Variants in NCAM2 observed in about 807,000 individuals in gnomAD.
The protein encoded by NCAM2 is N-CAM-2.
A neutral mutation model predicts 98.1 loss-of-function variants in NCAM2; 30 were observed. The observed-to-expected ratio is 0.31, with a 90% CI of 0.23 to 0.41. NCAM2 has a LOEUF of 0.41. Among genes scored for constraint, NCAM2 ranks in the 10% least tolerant of loss-of-function variants. NCAM2 has a pLI of 1.00. For synonymous variants in NCAM2, 368 were observed against 342.4 expected (o/e 1.07, Z -0.83); for missense variants, 867 against 1,005.8 (o/e 0.86, Z 1.87).
At chr21:21,203,685 T>C (rs7283558) in intron 1 of NCAM2, among the ~76,000 whole-genome samples, 2,733 of 152,268 alleles carry the variant, frequency 0.018, 80 homozygotes, top group African/African-American at 0.062. Flanking sequence ...GATGCTGCTT[T>C]TCTGTAGAAG....
At chr21:21,514,045 T>A (rs191880780) in intron 16 of NCAM2, among the ~76,000 whole-genome samples, 1 of 151,982 alleles carries the variant, frequency 6.6e-6, no homozygotes. Flanking sequence ...TGTTCTTTTA[T>A]ACAACATGCT....
chr21:21,017,963 A>G lies in NCAM2; in HGVS notation c.55+19345A>G, dbSNP rs531792108. On this transcript the variant is annotated intron_variant, in intron 1 of 17. Transcript: ENST00000400546. ...TTCTATGCTGTATCAAATTCTTTCA[A>G]TGCTCTATCAAAATGTTTGCTTTAT... Among the ~76,000 whole-genome samples, 13 of 152,236 alleles carry G rather than the reference A, an allele frequency of 8.5e-5. No homozygotes were observed. In the South Asian group the frequency reaches 2.3e-3, roughly 27 times the overall value.
chr21:21,327,779 A>C (rs948388945), intron 6 of NCAM2, among the ~76,000 whole-genome samples: 1 of 152,218 alleles, frequency 6.6e-6, no homozygotes. Context: ...TTAGGACACC[A>C]ACATGTGAAT....
rs765825143 is a variant in NCAM2 at position 21,216,366 on chromosome 21, CAATT to C, written c.56-64208_56-64205del. 2.6e-5 allele frequency among the ~76,000 whole-genome samples: 4 copies of C among 152,148 alleles called. No homozygotes were observed. In the East Asian group the frequency reaches 7.7e-4, roughly 29 times the overall value. On this transcript the variant is annotated intron_variant, in intron 1 of 17. Coordinates refer to ENST00000400546, the MANE Select transcript of NCAM2 (RefSeq NM_004540.5). ...GGTACTGCTGTGTTTTCAGGGACCA[CAATT>C]AATCACATTTTTTCTTCCCTTGTGA...
rs75085755 is a variant in NCAM2, at chr21:21,230,875, A to G, written c.56-49703A>G. On this transcript the variant is annotated intron_variant, in intron 1 of 17. Coordinates refer to ENST00000400546, the MANE Select transcript of NCAM2 (RefSeq NM_004540.5). ...ATACCTATGGAGTTCAGAACCATGG[A>G]CAGAGTATGCTCTCCTACCTTCTCC... 9.1e-4 allele frequency among the ~76,000 whole-genome samples: 138 copies of G among 151,450 alleles called. 2 individuals carry two copies. The East Asian group carries it at 0.024, about 26-fold the overall frequency.
At chr21:21,179,073 AC>A (rs934920990) in intron 1 of NCAM2, among the ~76,000 whole-genome samples, 12 of 152,122 alleles carry the variant, frequency 7.9e-5, no homozygotes, top group African/African-American at 2.9e-4. Flanking sequence ...CTGCCTCTGA[AC>A]TTTTATGCAA....
intron 1 of NCAM2, among the ~76,000 whole-genome samples, chr21:21,264,355 G>T (rs949610385): frequency 2.6e-5 from 4 of 152,042 alleles, no homozygotes; most frequent in African/African-American, 9.7e-5. Flanking sequence ...ACAGATGTTG[G>T]TGAGGCTGAG....
intron 5 of NCAM2, among the ~76,000 whole-genome samples, chr21:21,317,876 T>G (rs1413430962): frequency 1.3e-5 from 2 of 152,126 alleles, no homozygotes; most frequent in African/African-American, 4.8e-5. Flanking sequence ...TCTAGTCCAT[T>G]TTGTACCCCA....
At chr21:21,115,510 A>T (rs1450951826) in intron 1 of NCAM2, among the ~76,000 whole-genome samples, 2 of 152,140 alleles carry the variant, frequency 1.3e-5, no homozygotes, top group Non-Finnish European at 2.9e-5. Context: ...CTTGGTCCTA[A>T]TGGTTAGGTC....
intron 12 of NCAM2, among the ~76,000 whole-genome samples, chr21:21,450,822 A>T (rs1052809646): frequency 2.1e-5 from 3 of 141,578 alleles, no homozygotes; most frequent in African/African-American, 7.8e-5. Flanking sequence ...ACACACACAC[A>T]CACACACACA....
chr21:21,379,989 C>T (rs926972120), intron 9 of NCAM2, among the ~76,000 whole-genome samples: 5 of 152,168 alleles, frequency 3.3e-5, no homozygotes, highest in African/African-American at 2.4e-5. Flanking sequence ...GTAGGCTGGG[C>T]GGCTAGGCCA....
chr21:21,345,905 T>A (rs1167323596), intron 8 of NCAM2, among the ~76,000 whole-genome samples: 1 of 151,390 alleles, frequency 6.6e-6, no homozygotes, highest in African/African-American at 2.4e-5. Flanking sequence ...TGGTCAAGGA[T>A]AAAAAAGCAA....
At chr21:21,385,709 G>A in intron 9 of NCAM2, 1 of 1,237,388 alleles carries the variant, frequency 8.1e-7, no homozygotes, top group African/African-American at 1.5e-5. Context: ...CTAAAACAAA[G>A]GAGAAAACAG....
At chr21:21,309,677 G>A (rs1237493545) in intron 5 of NCAM2, among the ~76,000 whole-genome samples, 3 of 152,064 alleles carry the variant, frequency 2.0e-5, no homozygotes, top group African/African-American at 7.2e-5. Context: ...GTCCTGTCTG[G>A]CACTGTGGCC....
chr21:21,389,313 G>A (rs1054846974), intron 9 of NCAM2, among the ~76,000 whole-genome samples: 1 of 152,098 alleles, frequency 6.6e-6, no homozygotes, highest in African/African-American at 2.4e-5. Context: ...CACAAGAACA[G>A]CACTGGAAAG....
intron 1 of NCAM2, among the ~76,000 whole-genome samples, chr21:21,253,692 A>G (rs571142125): frequency 2.6e-5 from 4 of 152,334 alleles, no homozygotes; most frequent in African/African-American, 9.6e-5. Context: ...ACATACTAAG[A>G]CATTATTTGG....
chr21:21,020,053 T>A (rs1204327755), intron 1 of NCAM2, among the ~76,000 whole-genome samples: 1 of 152,136 alleles, frequency 6.6e-6, no homozygotes, highest in Non-Finnish European at 1.5e-5. Flanking sequence ...TTTATTCTTT[T>A]TGAGATGCTG....
At chr21:21,501,485 G>A (rs532153770) in intron 15 of NCAM2, among the ~76,000 whole-genome samples, 1 of 151,886 alleles carries the variant, frequency 6.6e-6, no homozygotes, top group Non-Finnish European at 1.5e-5. Flanking sequence ...TGGACTTGAA[G>A]TATAATATTT....
intron 1 of NCAM2, among the ~76,000 whole-genome samples, chr21:21,161,243 T>C (rs2067772851): frequency 2.0e-5 from 3 of 151,850 alleles, no homozygotes; most frequent in Admixed American, 1.3e-4. Flanking sequence ...CCAATGATTA[T>C]AGAGAAAAAA....
Sources: allele counts gnomAD v4.1 joint callset (sites outside exome capture counted in the v4.1 genomes callset), GRCh38; gene constraint gnomAD v4.1.1; transcripts MANE v1.5; gene names NCBI Gene and HGNC (gene_info 2026-07-23, HGNC 2026-07-21).